Variants in BMAL2 observed in about 807,000 individuals in gnomAD.
BMAL2 encodes the protein basic helix-loop-helix ARNT like 2, also known as basic helix-loop-helix ARNT-like protein 2.
the BMAL2 span, among the ~76,000 whole-genome samples, chr12:27,358,611 A>G: frequency 6.6e-6 from 1 of 152,168 alleles, no homozygotes; most frequent in African/African-American, 2.4e-5. Context: ...CCATCCAGAA[A>G]AATGTGTTCA....
the BMAL2 span, among the ~76,000 whole-genome samples, chr12:27,354,560 TTAAACC>T: frequency 6.6e-6 from 1 of 152,154 alleles, no homozygotes; most frequent in South Asian, 2.1e-4. Flanking sequence ...CATATATCCC[TTAAACC>T]TAAAATGAGA....
At chr12:27,361,621 G>A in the BMAL2 span, among the ~76,000 whole-genome samples, 1 of 152,052 alleles carries the variant, frequency 6.6e-6, no homozygotes, top group Admixed American at 6.6e-5. Flanking sequence ...ATGTATATGT[G>A]GAGGCAGAAA....
At chr12:27,406,010 G>A in the BMAL2 span, among the ~76,000 whole-genome samples, 4 of 152,170 alleles carry the variant, frequency 2.6e-5, no homozygotes, top group Admixed American at 6.5e-5. Flanking sequence ...AAGATCAAAT[G>A]AATGAAATGA....
chr12:27,387,422 G>A, the BMAL2 span: 1 of 765,300 alleles, frequency 1.3e-6, no homozygotes, highest in South Asian at 1.7e-5. Context: ...CTGGGATATG[G>A]GATTAGATTC....
chr12:27,337,939 A>G, the BMAL2 span, among the ~76,000 whole-genome samples: 5 of 151,778 alleles, frequency 3.3e-5, no homozygotes, highest in East Asian at 1.9e-4. Flanking sequence ...CTCCCCTCCT[A>G]TTTTCACACT....
At chr12:27,401,651 T>C in the BMAL2 span, 1 of 1,601,426 alleles carries the variant, frequency 6.2e-7, no homozygotes, top group South Asian at 1.1e-5. Flanking sequence ...TGGAATATAT[T>C]GTATCTGTCA....
the BMAL2 span, among the ~76,000 whole-genome samples, chr12:27,386,107 T>G: frequency 1.3e-5 from 2 of 152,166 alleles, no homozygotes; most frequent in Non-Finnish European, 2.9e-5. Context: ...CATAGTCAAA[T>G]TAAATAGAAG....
chr12:27,339,212 T>G, the BMAL2 span, among the ~76,000 whole-genome samples: 1 of 152,234 alleles, frequency 6.6e-6, no homozygotes, highest in Non-Finnish European at 1.5e-5. Context: ...ACATGTGGTA[T>G]TTGGTTTTCT....
the BMAL2 span, among the ~76,000 whole-genome samples, chr12:27,404,550 T>C: frequency 6.6e-6 from 1 of 152,208 alleles, no homozygotes; most frequent in Non-Finnish European, 1.5e-5. Flanking sequence ...TCCAACTTTA[T>C]TCTTTACACT....
the BMAL2 span, among the ~76,000 whole-genome samples, chr12:27,388,449 AG>A: frequency 5.3e-5 from 8 of 152,272 alleles, no homozygotes; most frequent in Non-Finnish European, 1.0e-4. Flanking sequence ...TGGGTAATAC[AG>A]GAATTCAGAA....
the BMAL2 span, among the ~76,000 whole-genome samples, chr12:27,356,139 A>C: frequency 6.6e-6 from 1 of 152,198 alleles, no homozygotes; most frequent in East Asian, 1.9e-4. Context: ...TAAATTATAC[A>C]GCTTGGATTA....
the BMAL2 span, among the ~76,000 whole-genome samples, chr12:27,340,032 T>G: frequency 1.3e-5 from 2 of 152,212 alleles, no homozygotes; most frequent in Non-Finnish European, 2.9e-5. Flanking sequence ...AAAAGTTTTC[T>G]GCCATTCTGT....
chr12:27,414,810 A>G, the BMAL2 span, among the ~76,000 whole-genome samples: 1 of 152,224 alleles, frequency 6.6e-6, no homozygotes, highest in East Asian at 1.9e-4. Context: ...AGATTAGAAA[A>G]ACAATAGAAA....
At chr12:27,403,279 G>A in the BMAL2 span, among the ~76,000 whole-genome samples, 21 of 152,306 alleles carry the variant, frequency 1.4e-4, no homozygotes, top group African/African-American at 4.8e-4. Context: ...GATTCAAAGA[G>A]CATCATGAAT....
chr12:27,400,905 A>T, the BMAL2 span: 1 of 886,026 alleles, frequency 1.1e-6, no homozygotes, highest in African/African-American at 1.7e-5. Context: ...AGTTTAAATG[A>T]AATAAGAATA....
At chr12:27,414,435 T>A in the BMAL2 span, among the ~76,000 whole-genome samples, 1 of 152,172 alleles carries the variant, frequency 6.6e-6, no homozygotes. Flanking sequence ...TTTAAGAGCA[T>A]GGAAGTCCTA....
At chr12:27,419,309 T>A in the BMAL2 span, among the ~76,000 whole-genome samples, 1 of 152,244 alleles carries the variant, frequency 6.6e-6, no homozygotes, top group Non-Finnish European at 1.5e-5. Context: ...CTCACAGTTC[T>A]GGGGACTGGG....
the BMAL2 span, among the ~76,000 whole-genome samples, chr12:27,363,252 ATTG>A: frequency 2.0e-5 from 3 of 152,112 alleles, no homozygotes; most frequent in South Asian, 2.1e-4. Flanking sequence ...TCAGGTTTTC[ATTG>A]TTGTTGTTCA....
At chr12:27,334,976 C>G in the BMAL2 span, among the ~76,000 whole-genome samples, 4 of 152,250 alleles carry the variant, frequency 2.6e-5, no homozygotes, top group Non-Finnish European at 4.4e-5. Context: ...ATACTCCTTT[C>G]TTTTCTTTCC....
Sources: gnomAD v4.1 joint callset for allele counts (sites outside exome capture counted in the v4.1 genomes callset) on GRCh38, gnomAD v4.1.1 for gene constraint, MANE v1.5 for transcripts, NCBI Gene and HGNC (gene_info 2026-07-23, HGNC 2026-07-21) for gene names.